The following NEB variants were observed in gnomAD, a reference collection of about 807,000 sequenced individuals.
NEB encodes nebulin, also known as nemaline myopathy type 2.
NEB carries 512 observed loss-of-function variants against 952.2 expected under a neutral mutation model. The observed-to-expected ratio is 0.54, with a 90% confidence interval of 0.50 to 0.58. The LOEUF (loss-of-function observed/expected upper bound fraction) is 0.58. Ranked by LOEUF, NEB falls within the 20% of genes least tolerant of loss-of-function variation. The probability of loss-of-function intolerance (pLI) is 0.00; values close to 1 mark genes in which losing one functional copy is unlikely to be tolerated. For synonymous variants in NEB, 2,900 were observed against 3,149.8 expected, an observed-to-expected ratio of 0.92 and a Z score of 2.66; for missense variants, 8,428 against 9,231.1, an observed-to-expected ratio of 0.91 and a Z score of 3.56.
Position 151,646,321 on chromosome 2 carries a change from T to G in NEB, c.7432-87A>C, listed in dbSNP as rs558890527. The G allele has an allele frequency of 4.0e-5, 38 of 951,204 alleles. No individual in the cohort carries two copies. The South Asian group carries it at 4.2e-4, about 11-fold the overall frequency. 58.9% of individuals were successfully genotyped at this position (951,204 alleles called of 1,614,324 possible). A position where few individuals can be genotyped will look rare whatever the true frequency, so the allele number is the denominator to read the frequency against. On this transcript the variant is annotated intron_variant, in intron 54 of 181. Transcript: ENST00000397345. The stretch of plus-strand genomic sequence containing the variant: ...TTCAAACAGAATTGCTGAATTTATC[T>G]GAATTAAACATTATACAGAATTGAT...
intron 24 of NEB, among the ~76,000 whole-genome samples, chr2:151,688,742 T>C (rs2099522325): frequency 6.6e-6 from 1 of 152,154 alleles, no homozygotes; most frequent in African/African-American, 2.4e-5. Context: ...CAATAACTAA[T>C]AAATAGAAAA....
chr2:151,503,913 G>A lies in NEB; in HGVS notation c.23743-472C>T, dbSNP rs2066773730. Among the ~76,000 whole-genome samples, 6 of 152,108 alleles carry A rather than the reference G, an allele frequency of 3.9e-5. No individual in the cohort carries two copies. In the South Asian group the frequency reaches 1.2e-3, roughly 32 times the overall value. The stretch of plus-strand genomic sequence containing the variant: ...AATGTTCCTCGCTGGCTCCTAATCT[G>A]TAGGAGCCTAGTCCCTGGATGTGAG... On this transcript the variant is annotated intron_variant, in intron 165 of 181. Coordinates refer to ENST00000397345, the MANE Select transcript of NEB (RefSeq NM_001164508.2).
At chr2:151,489,656 C>T (rs893580637) in intron 181 of NEB, among the ~76,000 whole-genome samples, 14 of 152,206 alleles carry the variant, frequency 9.2e-5, no homozygotes, top group Non-Finnish European at 4.4e-5. Flanking sequence ...ATCAGCGTCC[C>T]AAAGTGCTGG....
intron 40 of NEB, among the ~76,000 whole-genome samples, chr2:151,667,366 A>T (rs1482091002): frequency 2.6e-5 from 4 of 152,164 alleles, no homozygotes; most frequent in African/African-American, 9.6e-5. Flanking sequence ...TTTTTAAAAA[A>T]GAATTTTCTT....
chr2:151,629,184 G>A (rs2098603454), intron 68 of NEB, among the ~76,000 whole-genome samples: 1 of 152,030 alleles, frequency 6.6e-6, no homozygotes, highest in Admixed American at 6.5e-5. Flanking sequence ...ATGTAACTAA[G>A]TTATTTTTTA....
Position 151,640,451 on chromosome 2 carries a change from G to A in NEB, c.8589C>T (p.Ser2863=), listed in dbSNP as rs560965487. The A allele has an allele frequency of 9.9e-6, 16 of 1,613,900 alleles. No homozygotes were observed. The highest frequency in any genetic ancestry group is 5.5e-5 in the South Asian group (5 of 91,078). Residue 2863 remains serine (S), a synonymous_variant, in exon 61 of 182, where the codon AGC becomes AGT. Coordinates refer to ENST00000397345, the MANE Select transcript of NEB (RefSeq NM_001164508.2). Reference sequence around the variant, plus strand: ...GCAGGTAGTTCTTGTAGTCCACATCGCTGACTAAGGTCTGGCACTTCTTGG... The same window carrying A: ...GCAGGTAGTTCTTGTAGTCCACATCACTGACTAAGGTCTGGCACTTCTTGG... ...VLAKKCQTLV[S]DVDYKNYLHQ...
chr2:151,677,436 AAAATT>A (rs371901612), intron 34 of NEB, 124 bp downstream of exon 34: 4 of 717,242 alleles, frequency 5.6e-6, no homozygotes, highest in African/African-American at 5.4e-5. Context: ...TAATTTTTAA[AAAATT>A]AAATAAACAA....
intron 13 of NEB, among the ~76,000 whole-genome samples, chr2:151,701,959 G>C (rs1243845695): frequency 6.3e-5 from 9 of 142,488 alleles, no homozygotes; most frequent in African/African-American, 2.4e-4. Flanking sequence ...TGTGATGTTA[G>C]GGTGTCAATT....
At chr2:151,690,066 T>C (rs755955081) in intron 24 of NEB, 1 of 152,662 alleles carries the variant, frequency 6.6e-6, no homozygotes, top group Non-Finnish European at 1.5e-5. Flanking sequence ...AGGAGCTTAT[T>C]AGAAAGTCAG....
At chr2:151,707,738 A>G (rs2099717836) in intron 12 of NEB, among the ~76,000 whole-genome samples, 1 of 152,176 alleles carries the variant, frequency 6.6e-6, no homozygotes, top group Non-Finnish European at 1.5e-5. Flanking sequence ...CCCTTTATTC[A>G]GGCAATATAA....
intron 67 of NEB, among the ~76,000 whole-genome samples, 165 bp downstream of exon 67, chr2:151,630,550 G>A (rs569893371): frequency 6.6e-6 from 1 of 152,234 alleles, no homozygotes; most frequent in East Asian, 1.9e-4. Context: ...GTTTGCCAGT[G>A]GAATCCCATA....
chr2:151,656,015 A>G lies in NEB; in HGVS notation c.6504T>C (p.Tyr2168=). 6.2e-7 allele frequency: 1 copy of G among 1,612,984 alleles called. No homozygotes were observed. Reference sequence around the variant, plus strand: ...TGTACCATTCATTGTAATCTTGCTTATATTCATTCTATAAAGAAGATAAGC... The same window carrying G: ...TGTACCATTCATTGTAATCTTGCTTGTATTCATTCTATAAAGAAGATAAGC... ...NMNRIQSDNE[Y]KQDYNEWYKG... Residue 2168 remains tyrosine (Y), a synonymous_variant, in exon 50 of 182, where the codon TAT becomes TAC. Transcript: ENST00000397345.
At chr2:151,652,505 C>T (rs113756301) in intron 52 of NEB, among the ~76,000 whole-genome samples, 20 of 152,066 alleles carry the variant, frequency 1.3e-4, no homozygotes, top group Non-Finnish European at 2.4e-4. Flanking sequence ...GATTATGGGA[C>T]GGGGCCACTG....
At chr2:151,710,199 A>C (rs1251553711) in intron 11 of NEB, among the ~76,000 whole-genome samples, 1 of 152,234 alleles carries the variant, frequency 6.6e-6, no homozygotes, top group Non-Finnish European at 1.5e-5. Context: ...TCTTACCATA[A>C]TGTGTTGTAA....
At position 151,610,612 on chromosome 2, in the gene NEB, G is replaced by C. The variant is rs1196381872; in HGVS notation, c.11922C>G (p.Thr3974=). The change falls in exon 80 of 182, where the codon ACC becomes ACG. Residue 3974 remains threonine (T), a synonymous_variant. Coordinates refer to ENST00000397345, the MANE Select transcript of NEB (RefSeq NM_001164508.2). ...NSANISQKLY[T]KGWDESKMKD... ...TCATCTTTGATTCATCCCATCCCTTGGTGTAAAGTTTCTAGGGAAGGGATA... is the reference window on the plus strand; with the variant it reads ...TCATCTTTGATTCATCCCATCCCTTCGTGTAAAGTTTCTAGGGAAGGGATA... The C allele has an allele frequency of 6.2e-7, 1 of 1,612,328 alleles. No individual in the cohort carries two copies. Among genetic ancestry groups the C allele is most frequent in the Non-Finnish European group, 8.5e-7 (1 of 1,178,412 alleles).
In NEB at chr2:151,553,835, A is replaced by T; in HGVS notation, c.19619T>A (p.Ile6540Asn). The T allele has an allele frequency of 3.1e-6, 5 of 1,611,488 alleles. No homozygotes were observed. Among genetic ancestry groups the T allele is most frequent in the Non-Finnish European group, 4.2e-6 (5 of 1,178,494 alleles). ...CTTAAGTCACAGGCTTACATCGCTG[A>T]TCTGATCTGTGACTTTCCTGACGTG... ...NDHVRKVTDQISDIVYKDDLN... is the reference protein window; with the variant it reads ...NDHVRKVTDQNSDIVYKDDLN... The change falls in exon 126 of 182, where the codon ATC (isoleucine) becomes AAC (asparagine). Residue 6540 changes from isoleucine to asparagine, a missense_variant. Transcript: ENST00000397345.
In NEB at chr2:151,562,739, C is replaced by A. The variant is rs781706876; in HGVS notation, c.18763G>T (p.Val6255Leu). The A allele has an allele frequency of 6.2e-7, 1 of 1,601,832 alleles. No homozygotes were observed. Among genetic ancestry groups the A allele is most frequent in the Non-Finnish European group, 8.5e-7 (1 of 1,173,570 alleles). The change falls in exon 120 of 182, where the codon GTG (valine) becomes TTG (leucine). Residue 6255 changes from valine to leucine, a missense_variant. This residue lies in a region of NEB where 3,374 missense variants were observed against 3,651.5 expected (regional missense o/e 0.92). Coordinates refer to ENST00000397345, the MANE Select transcript of NEB (RefSeq NM_001164508.2). ...ATGTACTGGCACCTTTTAGCCAGCA[C>A]GTGATTCATCATGTCATTGGGGATA... ...VHIPNDMMNHVLAKRCQYILS... is the reference protein window; with the variant it reads ...VHIPNDMMNHLLAKRCQYILS...
chr2:151,554,088 A>C, intron 125 of NEB, 63 bp from the exon 126 acceptor site: 2 of 1,510,908 alleles, frequency 1.3e-6, no homozygotes, highest in Non-Finnish European at 9.2e-7. Flanking sequence ...ATGGCCATAC[A>C]TGAGAAGTCA....
intron 131 of NEB, 85 bp from the exon 132 acceptor site, chr2:151,547,823 A>T (rs976474527): frequency 1.1e-6 from 1 of 889,186 alleles, no homozygotes; most frequent in Non-Finnish European, 1.7e-6. Flanking sequence ...AATATTTTAC[A>T]TAAGGAAGAG....
Sources: gnomAD v4.1 joint callset for allele counts (sites outside exome capture counted in the v4.1 genomes callset) on GRCh38, gnomAD v4.1.1 for gene constraint, gnomAD v4.1.1 regional missense constraint, MANE v1.5 for transcripts, NCBI Gene and HGNC (gene_info 2026-07-23, HGNC 2026-07-21) for gene names.